DLGAP2: variants seen among roughly 807,000 people sequenced by gnomAD.
The protein encoded by DLGAP2 is disks large-associated protein 2.
DLGAP2 carries 26 observed loss-of-function variants against 100.3 expected under a neutral mutation model. The observed-to-expected ratio is 0.26, with a 90% CI of 0.19 to 0.36. The LOEUF is 0.36. Among genes scored for constraint, DLGAP2 ranks in the 10% least tolerant of loss-of-function variants. The pLI is 1.00. For synonymous variants in DLGAP2, 886 were observed against 630.1 expected (o/e 1.41, Z -6.08); for missense variants, 1,858 against 1,453.2 (o/e 1.28, Z -4.53).
At chr8:1,342,527 C>T (rs1478745080) in intron 3 of DLGAP2, among the ~76,000 whole-genome samples, 9 of 148 alleles carry the variant, frequency 0.061, no homozygotes, top group East Asian at 0.17. Flanking sequence ...GTGGGCCGTG[C>T]GGCTCAGTCG....
Position 1,196,585 on chromosome 8 carries a change from A to G in DLGAP2, c.74-62266A>G, listed in dbSNP as rs1159773407. Among the ~76,000 whole-genome samples the G allele has an allele frequency of 2.6e-5, 4 of 152,236 alleles. No individual in the cohort carries two copies. The East Asian group carries it at 5.8e-4, about 22-fold the overall frequency. ...GAATAATGACAAAAAAGTGGCTGTC[A>G]TCACCAACAGCACTTGTGCAGAGGC... On this transcript the variant is annotated intron_variant, in intron 2 of 14. Coordinates refer to ENST00000637795, the MANE Select transcript of DLGAP2 (RefSeq NM_001346810.2).
chr8:1,456,762 C>T (rs1285291871), intron 3 of DLGAP2, among the ~76,000 whole-genome samples: 1 of 152,278 alleles, frequency 6.6e-6, no homozygotes, highest in East Asian at 1.9e-4. Context: ...CTGTGCCAGG[C>T]TGTGCACTGG....
rs146538850 is a variant in DLGAP2 at position 1,215,785 on chromosome 8, G to A, written c.74-43066G>A. Among the ~76,000 whole-genome samples the A allele has an allele frequency of 2.7e-4, 34 of 124,376 alleles. 6 individuals are homozygous for A. Among genetic ancestry groups the A allele is most frequent in the African/African-American group, 1.2e-3 (29 of 25,210 alleles). 81.6% of individuals were successfully genotyped at this position (124,376 alleles called of 152,430 possible). ...TCATTTGGGTGCATCACCTGGAGAC[G>A]TCCAGGTACCTATATGGGTTCATTT... On this transcript the variant is annotated intron_variant, in intron 2 of 14. Coordinates refer to ENST00000637795, the MANE Select transcript of DLGAP2 (RefSeq NM_001346810.2).
intron 4 of DLGAP2, among the ~76,000 whole-genome samples, chr8:1,513,974 T>C (rs1354824666): frequency 6.6e-6 from 1 of 152,194 alleles, no homozygotes; most frequent in African/African-American, 2.4e-5. Context: ...AACTGAAAGG[T>C]ACCAGGAGCT....
intron 6 of DLGAP2, among the ~76,000 whole-genome samples, chr8:1,587,396 A>G (rs1439030110): frequency 6.6e-6 from 1 of 151,976 alleles, no homozygotes; most frequent in African/African-American, 2.4e-5. Context: ...GGATTTATAC[A>G]TTTTCAGTTG....
chr8:921,472 C>T (rs1276949875), intron 2 of DLGAP2, among the ~76,000 whole-genome samples: 14 of 152,188 alleles, frequency 9.2e-5, no homozygotes, highest in Non-Finnish European at 1.6e-4. Flanking sequence ...TGTGGATGCA[C>T]GTCTATGAGC....
chr8:1,588,933 G>T (rs1796210087), intron 6 of DLGAP2, among the ~76,000 whole-genome samples: 1 of 151,914 alleles, frequency 6.6e-6, no homozygotes, highest in South Asian at 2.1e-4. Context: ...AGTTTGGAGG[G>T]AAATCTGCCT....
chr8:1,049,475 A>G lies in DLGAP2; in HGVS notation c.73+141509A>G, dbSNP rs887407243. Reference sequence around the variant, plus strand: ...CTGCTTAACGTCACACGGGAATACAATTTACCCTTTTATCCTTTATTTGTA... The same window carrying G: ...CTGCTTAACGTCACACGGGAATACAGTTTACCCTTTTATCCTTTATTTGTA... On this transcript the variant is annotated intron_variant, in intron 2 of 14. Transcript: ENST00000637795. Among the ~76,000 whole-genome samples the G allele has an allele frequency of 3.9e-4, 59 of 152,182 alleles. 1 individual carries two copies. In the East Asian group the frequency reaches 8.9e-3, roughly 23 times the overall value.
intron 8 of DLGAP2, among the ~76,000 whole-genome samples, chr8:1,664,300 G>A (rs1798488602): frequency 1.3e-5 from 2 of 152,174 alleles, no homozygotes; most frequent in South Asian, 4.1e-4. Flanking sequence ...TCTAGGCACA[G>A]GCTATGTCCG....
At chr8:1,227,225 G>C (rs969072774) in intron 2 of DLGAP2, among the ~76,000 whole-genome samples, 2 of 126,792 alleles carry the variant, frequency 1.6e-5, no homozygotes, top group African/African-American at 7.8e-5. Flanking sequence ...ATATATATTT[G>C]TTTTATACAC....
At chr8:1,485,522 G>C (rs1799214248) in intron 3 of DLGAP2, among the ~76,000 whole-genome samples, 1 of 152,250 alleles carries the variant, frequency 6.6e-6, no homozygotes, top group Non-Finnish European at 1.5e-5. Context: ...ACGCGGTTAA[G>C]GAAATTTGGA....
chr8:1,499,939 C>A (rs1190727123), intron 3 of DLGAP2, among the ~76,000 whole-genome samples: 1 of 138,218 alleles, frequency 7.2e-6, no homozygotes, highest in Admixed American at 8.2e-5. Context: ...TGAAATAAAT[C>A]CGTTTGCAGA....
chr8:1,470,706 T>C (rs1449031772), intron 3 of DLGAP2, among the ~76,000 whole-genome samples: 1 of 151,482 alleles, frequency 6.6e-6, no homozygotes, highest in Non-Finnish European at 1.5e-5. Flanking sequence ...GGATATTCCA[T>C]GATGAAGGCA....
At chr8:1,591,689 T>G (rs4305922) in intron 6 of DLGAP2, among the ~76,000 whole-genome samples, 115,051 of 151,528 alleles carry the variant, frequency 0.76, 43,868 homozygotes, top group East Asian at 0.92. Flanking sequence ...CCCAAAGGCA[T>G]GTGTGCAGCC....
At chr8:1,311,676 C>A (rs1800617116) in intron 3 of DLGAP2, among the ~76,000 whole-genome samples, 1 of 150,912 alleles carries the variant, frequency 6.6e-6, no homozygotes, top group Non-Finnish European at 1.5e-5. Flanking sequence ...CGAAAGGTGT[C>A]TGACAAAATC....
chr8:1,024,913 GC>G (rs1012842062), intron 2 of DLGAP2, among the ~76,000 whole-genome samples: 1 of 152,186 alleles, frequency 6.6e-6, no homozygotes, highest in African/African-American at 2.4e-5. Flanking sequence ...TAGAACCTTG[GC>G]GTGGCAGAGT....
chr8:1,641,885 T>TGTCACCCTCGAACCCGCCAGC (rs1563275250), intron 8 of DLGAP2, among the ~76,000 whole-genome samples: 3 of 116,152 alleles, frequency 2.6e-5, no homozygotes, highest in African/African-American at 1.1e-4. Flanking sequence ...AACCCGCCGG[T>TGTCACCCTCGAACCCGCCAGC]CCTCACCTGT....
rs896775330 is a variant in DLGAP2 at position 1,509,446 on chromosome 8, C to G, written c.172+8015C>G. Among the ~76,000 whole-genome samples the G allele has an allele frequency of 2.0e-5, 3 of 151,804 alleles. 1 individual carries two copies. The highest frequency in any genetic ancestry group is 4.1e-4 in the South Asian group (2 of 4,820). ...TGCGTGTGGGTGTGTGTGTTAGGTT[C>G]TGATGTAAAATATACGTCTTATTGT... On this transcript the variant is annotated intron_variant, in intron 4 of 14. Transcript: ENST00000637795.
chr8:1,640,538 C>T (rs989340217), intron 8 of DLGAP2, among the ~76,000 whole-genome samples: 4 of 152,156 alleles, frequency 2.6e-5, no homozygotes, highest in African/African-American at 9.7e-5. Context: ...CCCATTAGAA[C>T]GTCTCAGAAA....
Sources: gnomAD v4.1 joint callset for allele counts (sites outside exome capture counted in the v4.1 genomes callset) on GRCh38, gnomAD v4.1.1 for gene constraint, MANE v1.5 for transcripts, NCBI Gene and HGNC (gene_info 2026-07-23, HGNC 2026-07-21) for gene names.